BLTP1: variants seen among roughly 807,000 people sequenced by gnomAD.
BLTP1 encodes fragile site-associated protein.
chr4:122,215,836 C>CA, the BLTP1 span, among the ~76,000 whole-genome samples: 1 of 150,544 alleles, frequency 6.6e-6, no homozygotes, highest in African/African-American at 2.5e-5. Context: ...TATCCCTCAC[C>CA]CCCCCCATCC....
chr4:122,208,802 G>A, the BLTP1 span: 1 of 395,914 alleles, frequency 2.5e-6, no homozygotes, highest in East Asian at 1.6e-4. Flanking sequence ...AGCACTTTGG[G>A]AGCCTGAGGC....
the BLTP1 span, among the ~76,000 whole-genome samples, chr4:122,296,403 C>T: frequency 1.3e-5 from 2 of 152,054 alleles, no homozygotes; most frequent in African/African-American, 2.4e-5. Context: ...AAGCACTGCT[C>T]AAGGAAATCA....
chr4:122,326,121 G>A, the BLTP1 span, among the ~76,000 whole-genome samples: 3 of 151,260 alleles, frequency 2.0e-5, no homozygotes, highest in Admixed American at 6.6e-5. Context: ...TACTATTAAA[G>A]ACTAAATCAG....
chr4:122,246,734 C>G, the BLTP1 span: 1 of 1,612,902 alleles, frequency 6.2e-7, no homozygotes, highest in Non-Finnish European at 8.5e-7. Context: ...AACTACGGCT[C>G]CTAGTAGGAG....
the BLTP1 span, chr4:122,205,883 T>C: frequency 2.2e-6 from 2 of 924,942 alleles, no homozygotes; most frequent in Non-Finnish European, 2.6e-6. Flanking sequence ...GTTTGACACC[T>C]CTAGGAGGAG....
the BLTP1 span, among the ~76,000 whole-genome samples, chr4:122,164,889 C>A: frequency 1.1e-4 from 16 of 152,026 alleles, no homozygotes; most frequent in African/African-American, 3.1e-4. Context: ...TACATTATCA[C>A]ATTCATGGTG....
the BLTP1 span, chr4:122,243,988 A>C: frequency 6.2e-7 from 1 of 1,608,756 alleles, no homozygotes; most frequent in Non-Finnish European, 8.5e-7. Context: ...GGAACTGTTG[A>C]TATTGTTTTG....
chr4:122,222,485 G>A, the BLTP1 span, among the ~76,000 whole-genome samples: 3 of 152,128 alleles, frequency 2.0e-5, no homozygotes, highest in South Asian at 6.2e-4. Context: ...CCTATGCTAG[G>A]TGACATAAAA....
At chr4:122,346,850 A>T in the BLTP1 span, 1 of 1,535,468 alleles carries the variant, frequency 6.5e-7, no homozygotes, top group Non-Finnish European at 8.7e-7. Context: ...GGCAGGGTGT[A>T]CCATGTGATG....
the BLTP1 span, among the ~76,000 whole-genome samples, chr4:122,216,377 C>T: frequency 6.6e-6 from 1 of 152,092 alleles, no homozygotes; most frequent in Non-Finnish European, 1.5e-5. Flanking sequence ...TTTACATTCC[C>T]ACCAGCAGTG....
the BLTP1 span, chr4:122,359,526 T>C: frequency 3.8e-6 from 6 of 1,593,922 alleles, no homozygotes; most frequent in African/African-American, 2.7e-5. Context: ...TTAACATAAA[T>C]GTATCATACT....
chr4:122,274,701 A>T, the BLTP1 span: 195 of 896,778 alleles, frequency 2.2e-4, no homozygotes, highest in Non-Finnish European at 2.4e-4. Flanking sequence ...TTGATAATTT[A>T]GGTCAGATTT....
the BLTP1 span, chr4:122,169,657 G>A: frequency 5.5e-5 from 53 of 958,176 alleles, no homozygotes; most frequent in Non-Finnish European, 6.3e-5. Context: ...TCATCCTACT[G>A]TGTGTGCATA....
chr4:122,208,532 A>G, the BLTP1 span: 1 of 948,500 alleles, frequency 1.1e-6, no homozygotes, highest in Non-Finnish European at 1.3e-6. Flanking sequence ...TATCTGAAAA[A>G]TTAATAAAAA....
chr4:122,251,581 A>C, the BLTP1 span: 2 of 985,168 alleles, frequency 2.0e-6, no homozygotes, highest in Non-Finnish European at 2.4e-6. Flanking sequence ...TCACTGGACA[A>C]AAGAGCTGAG....
chr4:122,244,706 C>T, the BLTP1 span: 1 of 697,632 alleles, frequency 1.4e-6, no homozygotes, highest in Non-Finnish European at 1.8e-6. Context: ...TCTTCGATAA[C>T]TTATACTATT....
the BLTP1 span, chr4:122,344,854 C>A: frequency 1.0e-6 from 1 of 984,704 alleles, no homozygotes; most frequent in Non-Finnish European, 1.2e-6. Flanking sequence ...GGTACAGTTT[C>A]TTTTTGTTCT....
the BLTP1 span, among the ~76,000 whole-genome samples, chr4:122,184,421 C>T: frequency 6.6e-6 from 1 of 152,050 alleles, no homozygotes; most frequent in Non-Finnish European, 1.5e-5. Flanking sequence ...GGCAGATCAC[C>T]TGAGGTCAGG....
the BLTP1 span, chr4:122,254,487 A>G: frequency 2.3e-6 from 3 of 1,314,012 alleles, no homozygotes; most frequent in Non-Finnish European, 3.0e-6. Context: ...TTCTTACTTC[A>G]TATGTTCTGT....
Sources: allele counts gnomAD v4.1 joint callset (sites outside exome capture counted in the v4.1 genomes callset), GRCh38; gene constraint gnomAD v4.1.1; transcripts MANE v1.5; gene names NCBI Gene and HGNC (gene_info 2026-07-23, HGNC 2026-07-21).